Variants in CSMD1 observed in about 807,000 individuals in gnomAD.
The protein encoded by CSMD1 is CUB and Sushi multiple domains 1, also known as CUB and sushi domain-containing protein 1.
In CSMD1, 213 loss-of-function variants were observed where a neutral mutation model predicts 417.5. That is an observed-to-expected ratio of 0.51 (90% CI 0.46 to 0.57). The LOEUF is 0.57. Ranked by LOEUF, CSMD1 falls within the 20% of genes least tolerant of loss-of-function variation. The pLI is 0.00. For synonymous variants in CSMD1, 2,862 were observed against 1,736.8 expected, an observed-to-expected ratio of 1.65 and a Z score of -16.11; for missense variants, 6,923 against 4,529.7, an observed-to-expected ratio of 1.53 and a Z score of -15.17.
intron 50 of CSMD1, among the ~76,000 whole-genome samples, chr8:3,033,546 C>T (rs1810479940): frequency 1.3e-5 from 2 of 151,904 alleles, no homozygotes; most frequent in African/African-American, 4.8e-5. Context: ...GGGAGTTGAA[C>T]AACGAGAACA....
intron 3 of CSMD1, among the ~76,000 whole-genome samples, chr8:4,290,497 A>AG (rs1797302388): frequency 6.6e-6 from 1 of 152,166 alleles, no homozygotes; most frequent in African/African-American, 2.4e-5. Flanking sequence ...TCATAGCATG[A>AG]GAAAAAAAGG....
At chr8:4,402,058 T>G (rs931795071) in intron 3 of CSMD1, among the ~76,000 whole-genome samples, 1 of 152,158 alleles carries the variant, frequency 6.6e-6, no homozygotes, top group African/African-American at 2.4e-5. Flanking sequence ...TAAATGGTCC[T>G]TCTAACCCCA....
intron 5 of CSMD1, among the ~76,000 whole-genome samples, chr8:3,837,038 G>C (rs1262215621): frequency 6.6e-6 from 1 of 151,070 alleles, no homozygotes; most frequent in Non-Finnish European, 1.5e-5. Flanking sequence ...GGCCAGGCTG[G>C]GTCAATTGAT....
chr8:4,010,848 C>T (rs1009641125), intron 4 of CSMD1, among the ~76,000 whole-genome samples: 1 of 152,186 alleles, frequency 6.6e-6, no homozygotes, highest in Non-Finnish European at 1.5e-5. Flanking sequence ...ACTTTTATAT[C>T]CTTGCAGGTA....
chr8:4,925,881 C>A (rs957330715), intron 1 of CSMD1, among the ~76,000 whole-genome samples: 1 of 152,100 alleles, frequency 6.6e-6, no homozygotes, highest in Non-Finnish European at 1.5e-5. Flanking sequence ...AAATGGCATT[C>A]TGTCATGCTC....
At chr8:3,654,269 A>G (rs374546840) in intron 7 of CSMD1, among the ~76,000 whole-genome samples, 3 of 152,198 alleles carry the variant, frequency 2.0e-5, no homozygotes, top group Admixed American at 6.5e-5. Flanking sequence ...TGACATTCTT[A>G]GCCAAAATTT....
chr8:4,420,575 T>G (rs1044006041), intron 2 of CSMD1, among the ~76,000 whole-genome samples: 1 of 152,170 alleles, frequency 6.6e-6, no homozygotes. Context: ...CATGTGAATG[T>G]GTGTATAAAC....
At chr8:4,467,818 T>C (rs964198285) in intron 2 of CSMD1, among the ~76,000 whole-genome samples, 2 of 152,178 alleles carry the variant, frequency 1.3e-5, no homozygotes, top group Non-Finnish European at 2.9e-5. Context: ...GTGAAATAAT[T>C]GGACAAACTC....
At chr8:3,291,225 G>A (rs935148745) in intron 25 of CSMD1, among the ~76,000 whole-genome samples, 4 of 152,104 alleles carry the variant, frequency 2.6e-5, no homozygotes, top group African/African-American at 9.7e-5. Context: ...GATTCCATTT[G>A]CCAGTATTTT....
intron 49 of CSMD1, among the ~76,000 whole-genome samples, chr8:3,069,215 C>A (rs1813159476): frequency 6.6e-6 from 1 of 152,038 alleles, no homozygotes; most frequent in Non-Finnish European, 1.5e-5. Flanking sequence ...GCAGGTGGAT[C>A]ACGAGATCAG....
At chr8:3,686,456 C>T (rs1247264597) in intron 7 of CSMD1, among the ~76,000 whole-genome samples, 1 of 152,092 alleles carries the variant, frequency 6.6e-6, no homozygotes, top group East Asian at 1.9e-4. Flanking sequence ...GCCACCCCAC[C>T]ATATGCTGCT....
chr8:4,979,719 G>C (rs988321153), intron 1 of CSMD1, among the ~76,000 whole-genome samples: 3 of 152,204 alleles, frequency 2.0e-5, no homozygotes, highest in Non-Finnish European at 2.9e-5. Context: ...CAAATATACA[G>C]ATCAAATCAT....
chr8:4,370,177 A>G (rs1175372120), intron 3 of CSMD1, among the ~76,000 whole-genome samples: 2 of 152,120 alleles, frequency 1.3e-5, no homozygotes, highest in Non-Finnish European at 2.9e-5. Flanking sequence ...TCCTGAAAAG[A>G]ATTTCATTTC....
intron 6 of CSMD1, among the ~76,000 whole-genome samples, chr8:3,709,330 C>T (rs6996329): frequency 0.94 from 142,388 of 152,136 alleles, 67,304 homozygotes; most frequent in Non-Finnish European, 1. Context: ...GCAGGCAGAT[C>T]GGCTCCAAAT....
At chr8:3,836,512 C>T (rs915668196) in intron 5 of CSMD1, among the ~76,000 whole-genome samples, 2 of 152,150 alleles carry the variant, frequency 1.3e-5, no homozygotes. Flanking sequence ...TTTTAAGCCA[C>T]ATCTTACCCT....
intron 10 of CSMD1, among the ~76,000 whole-genome samples, chr8:3,572,020 G>A (rs533992936): frequency 6.6e-6 from 1 of 152,260 alleles, no homozygotes; most frequent in Admixed American, 6.5e-5. Context: ...TTCAAAAGAC[G>A]CGAAAGAAGG....
Position 4,049,984 on chromosome 8 carries a change from G to C in CSMD1, c.416-17885C>G, listed in dbSNP as rs540969886. Among the ~76,000 whole-genome samples, 7 of 152,214 alleles carry C rather than the reference G, an allele frequency of 4.6e-5. No individual in the cohort carries two copies. In the South Asian group the frequency reaches 6.2e-4, roughly 14 times the overall value. On this transcript the variant is annotated intron_variant, in intron 3 of 69. Transcript: ENST00000635120. ...TGTCTCCTGGCTGGGGCAGCTTCTC[G>C]GACCTCCCTTGTTTTAAGGGCCTTG...
At chr8:3,341,104 C>T (rs1489846977) in intron 23 of CSMD1, among the ~76,000 whole-genome samples, 1 of 152,164 alleles carries the variant, frequency 6.6e-6, no homozygotes, top group African/African-American at 2.4e-5. Flanking sequence ...TAAAGTGATG[C>T]TGGATGCCGG....
At chr8:4,128,720 G>T (rs1296883924) in intron 3 of CSMD1, among the ~76,000 whole-genome samples, 1 of 151,960 alleles carries the variant, frequency 6.6e-6, no homozygotes, top group East Asian at 1.9e-4. Context: ...ACTCATCCTT[G>T]CTGGATACTT....
Sources: allele counts gnomAD v4.1 joint callset (sites outside exome capture counted in the v4.1 genomes callset), GRCh38; gene constraint gnomAD v4.1.1; transcripts MANE v1.5; gene names NCBI Gene and HGNC (gene_info 2026-07-23, HGNC 2026-07-21).